The following TRAPPC3L variants were observed in gnomAD, a reference collection of about 807,000 sequenced individuals.
The protein encoded by TRAPPC3L is trafficking protein particle complex subunit 3-like protein.
TRAPPC3L carries 23 observed loss-of-function variants against 23.7 expected under a neutral mutation model. The ratio of observed to expected loss-of-function variants is 0.97; its 90% CI spans 0.70 to 1.37. The LOEUF is 1.37. Ranked by LOEUF, TRAPPC3L falls within the 40% of genes most tolerant of loss-of-function variation. The pLI is 0.00. For missense variants in TRAPPC3L, 212 were observed against 216.8 expected (o/e 0.98, Z 0.14); for synonymous variants, 81 against 77.9 (o/e 1.04, Z -0.21).
chr6:116,499,153 C>T (rs1319797301), intron 4 of TRAPPC3L, among the ~76,000 whole-genome samples: 1 of 152,222 alleles, frequency 6.6e-6, no homozygotes, highest in Non-Finnish European at 1.5e-5. Context: ...ACAACCATCT[C>T]TACAGGTTTC....
intron 3 of TRAPPC3L, chr6:116,523,781 A>G (rs977984681): frequency 6.6e-5 from 10 of 152,228 alleles, no homozygotes; most frequent in Non-Finnish European, 1.2e-4. Flanking sequence ...CATAAGCAAC[A>G]AAAAACAAGG....
In TRAPPC3L at chr6:116,496,221, G is replaced by T. The variant is rs1158444761; in HGVS notation, c.*733C>A. 6.6e-6 allele frequency: 1 copy of T among 152,212 alleles called. No individual in the cohort carries two copies. The highest frequency in any genetic ancestry group is 2.4e-5 in the African/African-American group (1 of 41,456). 9.4% of individuals were successfully genotyped at this position (152,212 alleles called of 1,614,324 possible). ...TCTGAATTAATAAGCTTTGGGGTAA[G>T]AAAGTAATTTCAAAGAATATTATTT... On this transcript the variant is annotated 3_prime_UTR_variant, in exon 5 of 5. Transcript: ENST00000368602.
chr6:116,530,223 C>T (rs984423805), intron 3 of TRAPPC3L, among the ~76,000 whole-genome samples: 1 of 152,086 alleles, frequency 6.6e-6, no homozygotes, highest in Non-Finnish European at 1.5e-5. Context: ...ACCACCCCCC[C>T]TCCTTTTTAA....
At chr6:116,501,909 C>A (rs537068137) in intron 3 of TRAPPC3L, among the ~76,000 whole-genome samples, 254 of 152,288 alleles carry the variant, frequency 1.7e-3, no homozygotes, top group African/African-American at 5.8e-3. Flanking sequence ...AAACCACAAA[C>A]ATGGGGAGAA....
chr6:116,503,732 G>A (rs902751392), intron 3 of TRAPPC3L, among the ~76,000 whole-genome samples: 6 of 152,096 alleles, frequency 3.9e-5, no homozygotes, highest in East Asian at 1.9e-4. Context: ...ACTCAAAACC[G>A]CACAACTACA....
chr6:116,509,615 A>G (rs1428633051), intron 3 of TRAPPC3L, among the ~76,000 whole-genome samples: 2 of 152,152 alleles, frequency 1.3e-5, no homozygotes, highest in Non-Finnish European at 1.5e-5. Context: ...GGAAAACAGG[A>G]TAGCAACATG....
chr6:116,512,157 A>G (rs1388644915), intron 3 of TRAPPC3L: 1 of 1,613,200 alleles, frequency 6.2e-7, no homozygotes, highest in African/African-American at 1.3e-5. Context: ...GAAGAACTTC[A>G]CAAAGTATCT....
At chr6:116,512,795 G>A (rs1562339433) in intron 3 of TRAPPC3L, among the ~76,000 whole-genome samples, 1 of 152,162 alleles carries the variant, frequency 6.6e-6, no homozygotes, top group Non-Finnish European at 1.5e-5. Context: ...AATTTTCCTT[G>A]TATGGTAGGA....
intron 3 of TRAPPC3L, among the ~76,000 whole-genome samples, chr6:116,506,803 G>C (rs917625999): frequency 6.6e-6 from 1 of 152,164 alleles, no homozygotes. Flanking sequence ...TCCTAAGTGG[G>C]AGTTGAACAA....
intron 3 of TRAPPC3L, chr6:116,524,454 A>G (rs1219650164): frequency 6.6e-6 from 1 of 151,080 alleles, no homozygotes; most frequent in Non-Finnish European, 1.5e-5. Context: ...TTACATATTC[A>G]GCCTGTTGGC....
intron 1 of TRAPPC3L, chr6:116,543,663 TG>T: frequency 2.8e-6 from 2 of 724,578 alleles, no homozygotes; most frequent in Non-Finnish European, 4.6e-6. Context: ...TTTGCTTACA[TG>T]ATAACTTGCA....
rs1444616772 is a variant in TRAPPC3L at position 116,496,711 on chromosome 6, CCTGCTATCTTGTAAGG to C, written c.*227_*242del. 5.0e-6 allele frequency: 2 copies of C among 398,942 alleles called. No individual in the cohort carries two copies. The highest frequency in any genetic ancestry group is 4.3e-5 in the African/African-American group (2 of 46,832). 24.7% of individuals were successfully genotyped at this position (398,942 alleles called of 1,614,324 possible). On this transcript the variant is annotated 3_prime_UTR_variant, in exon 5 of 5. Coordinates refer to ENST00000368602, the MANE Select transcript of TRAPPC3L (RefSeq NM_001139444.3). The stretch of plus-strand genomic sequence containing the variant: ...GATAGTGTAAGATGTGGAATTCCTG[CCTGCTATCTTGTAAGG>C]AGCTATTTGCATATGAAATTTTGTG...
At chr6:116,533,783 C>T (rs1207670107) in intron 3 of TRAPPC3L, among the ~76,000 whole-genome samples, 1 of 152,202 alleles carries the variant, frequency 6.6e-6, no homozygotes, top group African/African-American at 2.4e-5. Context: ...CTTTTGTTGG[C>T]TTGCTCCTGC....
At chr6:116,529,303 C>T (rs1420796704) in intron 3 of TRAPPC3L, 1 of 152,254 alleles carries the variant, frequency 6.6e-6, no homozygotes, top group Non-Finnish European at 1.5e-5. Context: ...TGTACAATAA[C>T]AGCTAATTTC....
At chr6:116,512,078 G>A (rs368763520) in intron 3 of TRAPPC3L, 3 of 1,614,038 alleles carry the variant, frequency 1.9e-6, no homozygotes, top group Non-Finnish European at 2.5e-6. Flanking sequence ...CTATGAATGT[G>A]CCATGAGCGG....
rs185689075 is a variant in TRAPPC3L at position 116,498,443 on chromosome 6, C to A, written c.427-1370G>T. Among the ~76,000 whole-genome samples the A allele has an allele frequency of 3.3e-5, 5 of 152,290 alleles. No homozygotes were observed. In the East Asian group the frequency reaches 9.6e-4, roughly 29 times the overall value. On this transcript the variant is annotated intron_variant, in intron 4 of 4. Transcript: ENST00000368602. ...TGGATTACTTGTTATTCTATTTTCC[C>A]CTAATTATCACAAATAATTTAAAAT...
intron 4 of TRAPPC3L, among the ~76,000 whole-genome samples, chr6:116,499,109 C>A (rs1194456490): frequency 1.3e-5 from 2 of 152,218 alleles, no homozygotes; most frequent in Non-Finnish European, 2.9e-5. Flanking sequence ...CCCAGATGTA[C>A]TCCTCTTGGT....
intron 3 of TRAPPC3L, among the ~76,000 whole-genome samples, chr6:116,510,540 G>C (rs201875646): frequency 6.6e-6 from 1 of 151,630 alleles, no homozygotes; most frequent in African/African-American, 2.4e-5. Flanking sequence ...CACCTGCCTC[G>C]ACCTCCCAAA....
At chr6:116,520,772 T>A (rs1583273299) in intron 3 of TRAPPC3L, 1 of 152,406 alleles carries the variant, frequency 6.6e-6, no homozygotes, top group South Asian at 2.1e-4. Flanking sequence ...GGAAATGTTA[T>A]CTGGATTTCA....
Sources: allele counts gnomAD v4.1 joint callset (sites outside exome capture counted in the v4.1 genomes callset), GRCh38; gene constraint gnomAD v4.1.1; transcripts MANE v1.5; gene names NCBI Gene and HGNC (gene_info 2026-07-23, HGNC 2026-07-21).